Variants in SERTAD1 observed in about 807,000 individuals in gnomAD.
The protein encoded by SERTAD1 is SERTA domain containing 1, also known as SERTA domain-containing protein 1.
A neutral mutation model predicts 11.7 loss-of-function variants in SERTAD1; 5 were observed. That is an observed-to-expected ratio of 0.43 (90% CI 0.22 to 0.90). The LOEUF (loss-of-function observed/expected upper bound fraction) is 0.90, where lower values mean the gene tolerates loss of function less well. SERTAD1 is among the 40% of genes least tolerant of loss of function. SERTAD1 has a pLI of 0.27. For synonymous variants in SERTAD1, 139 were observed against 141.4 expected (o/e 0.98, Z 0.12); for missense variants, 287 against 313.9 (o/e 0.91, Z 0.65).
chr19:40,422,557 G>A lies in SERTAD1; in HGVS notation c.*279C>T, dbSNP rs925958442. ...AAAAATCTGATTGGGGTCTCTTCCC[G>A]TATCAGAGAAGGAACAGCCCAAGCT... is the stretch of plus-strand genomic sequence containing the variant. On this transcript the variant is annotated 3_prime_UTR_variant, in exon 2 of 2. Coordinates refer to ENST00000357949, the MANE Select transcript of SERTAD1 (RefSeq NM_013376.4). 1.2e-5 allele frequency: 5 copies of A among 405,768 alleles called. No homozygotes were observed. The highest frequency in any genetic ancestry group is 7.4e-5 in the East Asian group (2 of 27,020). 25.1% of individuals were successfully genotyped at this position (405,768 alleles called of 1,614,324 possible).
intron 1 of SERTAD1, 152 bp from the exon 2 acceptor site, chr19:40,423,698 T>C (rs541547938): frequency 8.9e-5 from 51 of 571,326 alleles, no homozygotes; most frequent in South Asian, 1.6e-4. Context: ...TTTAAAGATA[T>C]AGACAATTTT....
At chr19:40,425,513 A>C (rs1406606709) in intron 1 of SERTAD1, among the ~76,000 whole-genome samples, 1 of 151,896 alleles carries the variant, frequency 6.6e-6, no homozygotes, top group African/African-American at 2.4e-5. Flanking sequence ...TACTGCCCCG[A>C]TTCCCGGCTG....
At chr19:40,425,801 A>T (rs1201348920) in intron 1 of SERTAD1, 66 bp downstream of exon 1, 3 of 152,096 alleles carry the variant, frequency 2.0e-5, no homozygotes, top group Non-Finnish European at 2.9e-5. Flanking sequence ...GGACCCAGGG[A>T]TCGAACTCTG....
rs2079601421 is a variant in SERTAD1, at chr19:40,422,418, C to G, written c.*418G>C. On this transcript the variant is annotated 3_prime_UTR_variant, in exon 2 of 2. Transcript: ENST00000357949. Reference sequence around the variant, plus strand: ...ACAGTGACGTGCTTAGAAACTGTGCCTCGTACACAGCCTACGCCCAATAAA... The same window carrying G: ...ACAGTGACGTGCTTAGAAACTGTGCGTCGTACACAGCCTACGCCCAATAAA... 5.7e-6 allele frequency: 1 copy of G among 175,862 alleles called. No homozygotes were observed. The highest frequency in any genetic ancestry group is 1.7e-4 in the South Asian group (1 of 5,822). 10.9% of individuals were successfully genotyped at this position (175,862 alleles called of 1,614,324 possible). A position where few individuals can be genotyped will look rare whatever the true frequency, so the allele number is the denominator to read the frequency against.
Position 40,423,390 on chromosome 19 carries a change from G to C in SERTAD1, c.157C>G (p.Leu53Val). ...SSLFDLSVLK[L>V]HHSLQQSEPD... ...TCACTCTGCTGCAGGCTGTGGTGGAGCTTGAGCACTGAGAGGTCAAAGAGG... is the reference window on the plus strand; with the variant it reads ...TCACTCTGCTGCAGGCTGTGGTGGACCTTGAGCACTGAGAGGTCAAAGAGG... The change falls in exon 2 of 2, where the codon CTC (leucine) becomes GTC (valine). Residue 53 changes from leucine (L) to valine (V), a missense_variant. Transcript: ENST00000357949. 6.2e-7 allele frequency: 1 copy of C among 1,613,432 alleles called. No homozygotes were observed. Among genetic ancestry groups the C allele is most frequent in the Non-Finnish European group, 8.5e-7 (1 of 1,180,024 alleles).
At chr19:40,423,794 T>C (rs2079607289) in intron 1 of SERTAD1, among the ~76,000 whole-genome samples, 1 of 152,046 alleles carries the variant, frequency 6.6e-6, no homozygotes, top group Non-Finnish European at 1.5e-5. Flanking sequence ...TGCCGTGATC[T>C]CAGCTCATTG....
Position 40,422,792 on chromosome 19 carries a change from G to T in SERTAD1, c.*44C>A. 1 of 1,526,358 alleles carries T rather than the reference G, an allele frequency of 6.6e-7. No individual in the cohort carries two copies. The allele number at this position is 1,526,358 out of a possible 1,614,324, so 94.6% of individuals were successfully genotyped here. A position where few individuals can be genotyped will look rare whatever the true frequency, so the allele number is the denominator to read the frequency against. On this transcript the variant is annotated 3_prime_UTR_variant, in exon 2 of 2. Transcript: ENST00000357949. ...TTTTCGAGGACAGTTGGTCCAGCCA[G>T]CAGGCTCAGTTCAGATACCAGACAA...
chr19:40,423,541 C>A lies in SERTAD1; in HGVS notation c.6G>T (p.Leu2=). The change falls in exon 2 of 2, where the codon CTG becomes CTT. Residue 2 remains leucine, a synonymous_variant. Transcript: ENST00000357949. M[L]SKGLKRKREE... ...CCCGTTTCCGCTTCAGACCCTTGCT[C>A]AGCATCTGCAGAGGGCAGGGAGTTA... 1 of 1,572,324 alleles carries A rather than the reference C, an allele frequency of 6.4e-7. No homozygotes were observed. The highest frequency in any genetic ancestry group is 1.1e-5 in the South Asian group (1 of 88,766).
In SERTAD1 at chr19:40,422,102, G is replaced by T. The variant is rs1474773038; in HGVS notation, c.*734C>A. 6.6e-6 allele frequency: 1 copy of T among 151,384 alleles called. No homozygotes were observed. The highest frequency in any genetic ancestry group is 1.9e-4 in the East Asian group (1 of 5,184). The allele number at this position is 151,384 out of a possible 1,614,324, so 9.4% of individuals were successfully genotyped here. On this transcript the variant is annotated 3_prime_UTR_variant, in exon 2 of 2. Transcript: ENST00000357949. ...AGTCACGCCACTGCACTCCAGCCTG[G>T]GCGACAGAGTAAGAATCTGTCTTAA...
In SERTAD1 at chr19:40,422,702, A is replaced by T; in HGVS notation, c.*134T>A. ...GAGGACGGATGTGAAGTTGCCCAGGACTAGATTCTGTCTCTCCAAAGTGGC... is the reference window on the plus strand; with the variant it reads ...GAGGACGGATGTGAAGTTGCCCAGGTCTAGATTCTGTCTCTCCAAAGTGGC... On this transcript the variant is annotated 3_prime_UTR_variant, in exon 2 of 2. Coordinates refer to ENST00000357949, the MANE Select transcript of SERTAD1 (RefSeq NM_013376.4). 1.0e-6 allele frequency: 1 copy of T among 981,628 alleles called. No individual in the cohort carries two copies. Among genetic ancestry groups the T allele is most frequent in the South Asian group, 1.8e-5 (1 of 56,802 alleles). The allele number at this position is 981,628 out of a possible 1,614,324, so 60.8% of individuals were successfully genotyped here. A position where few individuals can be genotyped will look rare whatever the true frequency, so the allele number is the denominator to read the frequency against.
chr19:40,423,502 C>G lies in SERTAD1; in HGVS notation c.45G>C (p.Glu15Asp). 1 of 1,589,218 alleles carries G rather than the reference C, an allele frequency of 6.3e-7. No individual in the cohort carries two copies. Among genetic ancestry groups the G allele is most frequent in the South Asian group, 1.1e-5 (1 of 89,232 alleles). Residue 15 changes from glutamate (E) to aspartate (D), a missense_variant, in exon 2 of 2, where the codon GAG (glutamate) becomes GAC (aspartate). By Grantham distance (45) the Glu-to-Asp change is conservative. Transcript: ENST00000357949. Reference sequence around the variant, plus strand: ...AGGAGTCGACTGCCAGAGGTTCCTTCTCCTCCTCCTCCTCCCGTTTCCGCT... The same window carrying G: ...AGGAGTCGACTGCCAGAGGTTCCTTGTCCTCCTCCTCCTCCCGTTTCCGCT... The part of the protein sequence containing the change: ...GLKRKREEEE[E>D]KEPLAVDSWW...
intron 1 of SERTAD1, among the ~76,000 whole-genome samples, chr19:40,425,048 T>C (rs2145758190): frequency 6.6e-6 from 1 of 152,182 alleles, no homozygotes; most frequent in South Asian, 2.1e-4. Context: ...TGTACTCGTT[T>C]GGGACGGACG....
At chr19:40,424,148 C>T (rs186922031) in intron 1 of SERTAD1, among the ~76,000 whole-genome samples, 109 of 151,894 alleles carry the variant, frequency 7.2e-4, no homozygotes, top group African/African-American at 2.6e-3. Context: ...TGGCCTGAAG[C>T]GATCCTCCCC....
intron 1 of SERTAD1, among the ~76,000 whole-genome samples, chr19:40,425,419 G>A (rs2079612936): frequency 6.6e-6 from 1 of 152,074 alleles, no homozygotes; most frequent in African/African-American, 2.4e-5. Context: ...CCCCGACTCC[G>A]CCCCCGGGTC....
At position 40,422,854 on chromosome 19, in the gene SERTAD1, C is replaced by T. The variant is rs1316696178; in HGVS notation, c.693G>A (p.Pro231=). The T allele has an allele frequency of 5.0e-6, 8 of 1,601,046 alleles. No homozygotes were observed. Among genetic ancestry groups the T allele is most frequent in the East Asian group, 4.5e-5 (2 of 44,618 alleles). Residue 231 remains proline (P), a synonymous_variant, in exon 2 of 2, where the codon CCG becomes CCA. Transcript: ENST00000357949. ...CGAGGGCTCAGCGCCCTGGCCCCGG[C>T]GGTCGCTCCAGTGCCTGTGTGCCCA... ...VLVGTQALER[P]PGPGR
rs2079615931 is a variant in SERTAD1 at position 40,425,974 on chromosome 19, G to C, written c.-108C>G. The C allele has an allele frequency of 6.6e-6, 1 of 152,224 alleles. No individual in the cohort carries two copies. Among genetic ancestry groups the C allele is most frequent in the African/African-American group, 2.4e-5 (1 of 41,448 alleles). 9.4% of individuals were successfully genotyped at this position (152,224 alleles called of 1,614,324 possible). ...GCTGTCCTCCGGAAACCCGCGCCTG[G>C]GTCGCGAGACGCAGTTCTGACTCCG... On this transcript the variant is annotated 5_prime_UTR_variant, in exon 1 of 2. Transcript: ENST00000357949.
intron 1 of SERTAD1, among the ~76,000 whole-genome samples, chr19:40,424,976 G>A (rs975248252): frequency 1.3e-5 from 2 of 152,202 alleles, no homozygotes; most frequent in Non-Finnish European, 2.9e-5. Context: ...TCCCCCCCAT[G>A]GCTGCTTCGA....
Position 40,423,476 on chromosome 19 carries a change from C to G in SERTAD1, c.71G>C (p.Trp24Ser), listed in dbSNP as rs751409419. Residue 24 changes from tryptophan to serine, a missense_variant, in exon 2 of 2, where the codon TGG (tryptophan) becomes TCG (serine). Physicochemically the swap from Trp to Ser is radical, Grantham distance 177. Coordinates refer to ENST00000357949, the MANE Select transcript of SERTAD1 (RefSeq NM_013376.4). ...EEKEPLAVDS[W>S]WLDPGHTAVA... ...CGCTGTGTGGCCAGGATCTAGCCAC[C>G]AGGAGTCGACTGCCAGAGGTTCCTT... is the stretch of plus-strand genomic sequence containing the variant. 3 of 1,612,928 alleles carry G rather than the reference C, an allele frequency of 1.9e-6. No homozygotes were observed. The highest frequency in any genetic ancestry group is 1.7e-6 in the Non-Finnish European group (2 of 1,179,976).
intron 1 of SERTAD1, among the ~76,000 whole-genome samples, chr19:40,424,901 G>T (rs781430316): frequency 6.6e-6 from 1 of 152,162 alleles, no homozygotes; most frequent in African/African-American, 2.4e-5. Context: ...AGTGTGGTGG[G>T]CAGTCATTAA....
Sources: allele counts gnomAD v4.1 joint callset (sites outside exome capture counted in the v4.1 genomes callset), GRCh38; gene constraint gnomAD v4.1.1; transcripts MANE v1.5; gene names NCBI Gene and HGNC (gene_info 2026-07-23, HGNC 2026-07-21).